Variants in CYFIP2 observed in about 807,000 individuals in gnomAD.
The protein encoded by CYFIP2 is cytoplasmic FMR1-interacting protein 2.
CYFIP2 carries 29 observed loss-of-function variants against 158.7 expected under a neutral mutation model. The ratio of observed to expected loss-of-function variants is 0.18; its 90% CI spans 0.14 to 0.25. The LOEUF (loss-of-function observed/expected upper bound fraction) is 0.25. CYFIP2 is among the 10% of genes least tolerant of loss of function. CYFIP2 has a pLI of 1.00. For synonymous variants in CYFIP2, 585 were observed against 617.6 expected, an observed-to-expected ratio of 0.95 and a Z score of 0.78; for missense variants, 852 against 1,639.5, an observed-to-expected ratio of 0.52 and a Z score of 8.29.
chr5:157,353,537 T>C (rs779891755), intron 23 of CYFIP2, among the ~76,000 whole-genome samples: 54 of 152,162 alleles, frequency 3.5e-4, no homozygotes, highest in Admixed American at 1.4e-3. Context: ...GACAGACACA[T>C]AGACACATTA....
intron 26 of CYFIP2, among the ~76,000 whole-genome samples, chr5:157,380,890 A>G (rs1375932960): frequency 6.6e-6 from 1 of 152,194 alleles, no homozygotes; most frequent in Admixed American, 6.5e-5. Flanking sequence ...GGGATTTACT[A>G]GAAAGGAAAG....
intron 9 of CYFIP2, among the ~76,000 whole-genome samples, chr5:157,309,232 AC>A (rs1391913824): frequency 6.6e-6 from 1 of 152,228 alleles, no homozygotes; most frequent in African/African-American, 2.4e-5. Context: ...CATAATAAAT[AC>A]CAGCCTCCCC....
chr5:157,367,133 C>G (rs1362332956), intron 26 of CYFIP2, among the ~76,000 whole-genome samples: 2 of 152,162 alleles, frequency 1.3e-5, no homozygotes, highest in African/African-American at 4.8e-5. Context: ...AGAGTCTAGA[C>G]CCAAACTCAC....
intron 21 of CYFIP2, among the ~76,000 whole-genome samples, chr5:157,336,877 C>T (rs1024684723): frequency 3.9e-5 from 6 of 152,218 alleles, no homozygotes; most frequent in South Asian, 4.1e-4. Flanking sequence ...AGAACAAATC[C>T]GAAATGTGTT....
At chr5:157,338,993 A>C (rs767930072) in intron 21 of CYFIP2, 64 bp from the exon 22 acceptor site, 36 of 1,483,966 alleles carry the variant, frequency 2.4e-5, no homozygotes, top group Non-Finnish European at 3.3e-5. Context: ...GCAGTAAGAT[A>C]AAACACACAC....
intron 1 of CYFIP2, among the ~76,000 whole-genome samples, chr5:157,283,767 T>C (rs1231850554): frequency 6.6e-6 from 1 of 152,200 alleles, no homozygotes; most frequent in Non-Finnish European, 1.5e-5. Flanking sequence ...CTAAGGCAGG[T>C]ATTAGTCTCG....
intron 5 of CYFIP2, among the ~76,000 whole-genome samples, chr5:157,299,173 G>GAGTCTGTTCTCCCCATAGT (rs56388079): frequency 6.6e-6 from 1 of 151,826 alleles, no homozygotes; most frequent in African/African-American, 2.4e-5. Flanking sequence ...TTGCACCCTA[G>GAGTCTGTTCTCCCCATAGT]AGCCAATGTG....
rs551346971 is a variant in CYFIP2, at chr5:157,321,547, T to G, written c.1671+745T>G. Among the ~76,000 whole-genome samples the G allele has an allele frequency of 1.3e-3, 193 of 152,262 alleles. 1 individual carries two copies. The highest frequency in any genetic ancestry group is 4.1e-3 in the African/African-American group (169 of 41,542). Reference sequence around the variant, plus strand: ...CTTCGTTAAATCCCTGCTACCTACTTAAGGATAGGTAGTTTCTGGTAATAT... The same window carrying G: ...CTTCGTTAAATCCCTGCTACCTACTGAAGGATAGGTAGTTTCTGGTAATAT... On this transcript the variant is annotated intron_variant, in intron 15 of 30. Coordinates refer to ENST00000620254, the MANE Select transcript of CYFIP2 (RefSeq NM_001037333.3).
chr5:157,368,820 C>A (rs568624180), intron 26 of CYFIP2, among the ~76,000 whole-genome samples: 1 of 152,034 alleles, frequency 6.6e-6, no homozygotes, highest in African/African-American at 2.4e-5. Flanking sequence ...TCACCACCCA[C>A]CTGCCGGTTG....
intron 1 of CYFIP2, among the ~76,000 whole-genome samples, chr5:157,273,641 C>T (rs922301317): frequency 6.6e-6 from 1 of 152,024 alleles, no homozygotes; most frequent in Non-Finnish European, 1.5e-5. Context: ...TTGGTTTTTG[C>T]TCTCCACAGC....
At position 157,360,259 on chromosome 5, in the gene CYFIP2, C is replaced by T. The variant is rs759712605; in HGVS notation, c.2818-23C>T. ...CGCATAGCCCAGAATTCAGCCCACT[C>T]ATCTGTACTCTTCTTTTGTCAGCTC... On this transcript the variant is annotated intron_variant, in intron 24 of 30. Coordinates refer to ENST00000620254, the MANE Select transcript of CYFIP2 (RefSeq NM_001037333.3). The T allele has an allele frequency of 4.4e-6, 7 of 1,599,252 alleles. No individual in the cohort carries two copies. The Admixed American group carries it at 1.2e-4, about 27-fold the overall frequency.
intron 13 of CYFIP2, among the ~76,000 whole-genome samples, chr5:157,315,691 C>A (rs749420181): frequency 6.6e-6 from 1 of 152,222 alleles, no homozygotes; most frequent in Non-Finnish European, 1.5e-5. Flanking sequence ...ATATTTATCA[C>A]AGTGTTGTTT....
In CYFIP2 at chr5:157,320,645, C is replaced by T; in HGVS notation, c.1524-10C>T. 6.2e-7 allele frequency: 1 copy of T among 1,613,884 alleles called. No homozygotes were observed. The highest frequency in any genetic ancestry group is 8.5e-7 in the Non-Finnish European group (1 of 1,179,836). On this transcript the variant is annotated splice_polypyrimidine_tract_variant and intron_variant, in intron 14 of 30. Transcript: ENST00000620254. ...AAACCTGGTCTAAGTCTTAGTTCTT[C>T]CTTCCCCAGCGTCCTACAGGCAATT...
chr5:157,299,056 T>C (rs1164003142), intron 5 of CYFIP2, among the ~76,000 whole-genome samples: 1 of 152,196 alleles, frequency 6.6e-6, no homozygotes, highest in African/African-American at 2.4e-5. Flanking sequence ...TGGACGTATG[T>C]TTTCATGTCT....
At chr5:157,271,912 A>G (rs1756128460) in intron 1 of CYFIP2, among the ~76,000 whole-genome samples, 2 of 152,110 alleles carry the variant, frequency 1.3e-5, no homozygotes, top group Non-Finnish European at 1.5e-5. Flanking sequence ...CTCTCCCCAC[A>G]TACGCGTCAT....
chr5:157,376,911 T>C (rs1383775610), intron 26 of CYFIP2: 1 of 456,348 alleles, frequency 2.2e-6, no homozygotes, highest in Admixed American at 2.4e-5. Context: ...ATCAGAAATT[T>C]ACCTTGCCTG....
At chr5:157,334,428 ATTT>A (rs1165384007) in intron 21 of CYFIP2, among the ~76,000 whole-genome samples, 1 of 152,138 alleles carries the variant, frequency 6.6e-6, no homozygotes, top group Non-Finnish European at 1.5e-5. Context: ...CAATAACAAA[ATTT>A]TTTTAACCAA....
intron 8 of CYFIP2, among the ~76,000 whole-genome samples, chr5:157,305,403 C>T (rs191541036): frequency 6.9e-4 from 105 of 152,320 alleles, no homozygotes; most frequent in East Asian, 2.3e-3. Context: ...TCAGTTCACA[C>T]GTTTCATTCC....
chr5:157,317,019 T>C (rs1459031981), intron 13 of CYFIP2, among the ~76,000 whole-genome samples: 1 of 152,192 alleles, frequency 6.6e-6, no homozygotes, highest in Non-Finnish European at 1.5e-5. Context: ...TCCTCAAGCC[T>C]ATTTAAAGTG....
Sources: gnomAD v4.1 joint callset for allele counts (sites outside exome capture counted in the v4.1 genomes callset) on GRCh38, gnomAD v4.1.1 for gene constraint, MANE v1.5 for transcripts, NCBI Gene and HGNC (gene_info 2026-07-23, HGNC 2026-07-21) for gene names.